Variants in RYR3 observed in about 807,000 individuals in gnomAD.
The protein encoded by RYR3 is ryanodine receptor 3, also known as brain ryanodine receptor-calcium release channel.
Under a neutral mutation model 584.3 loss-of-function variants are expected in RYR3, and 207 were observed. The ratio of observed to expected loss-of-function variants is 0.35; its 90% CI spans 0.32 to 0.40. RYR3 has a LOEUF of 0.40. Among genes scored for constraint, RYR3 ranks in the 10% least tolerant of loss-of-function variants. RYR3 has a pLI of 1.00. For missense variants in RYR3, 5,616 were observed against 6,089.2 expected (o/e 0.92, Z 2.59); for synonymous variants, 2,416 against 2,248.5 (o/e 1.07, Z -2.11).
rs1044129 is a variant in RYR3, at chr15:33,866,065, A to G, written c.*839A>G. 95,221 of 154,892 alleles carry G rather than the reference A, an allele frequency of 0.61. 31,527 individuals carry two copies. The highest frequency in any genetic ancestry group is 0.74 in the Non-Finnish European group (51,777 of 69,520). 9.6% of individuals were successfully genotyped at this position (154,892 alleles called of 1,614,324 possible). On this transcript the variant is annotated 3_prime_UTR_variant, in exon 104 of 104. Coordinates refer to ENST00000634891, the MANE Select transcript of RYR3 (RefSeq NM_001036.6). ...GTTTAGGTGAATCTCCTCAAATACA[A>G]TGAAGTGCCCACTGCAATAAAGTAA...
chr15:33,614,312 C>T (rs138181633), intron 19 of RYR3, among the ~76,000 whole-genome samples: 10 of 152,096 alleles, frequency 6.6e-5, no homozygotes, highest in South Asian at 4.1e-4. Flanking sequence ...ATGTACATAA[C>T]GGGTAACTTT....
intron 74 of RYR3, among the ~76,000 whole-genome samples, chr15:33,816,162 A>G (rs1596765917): frequency 6.6e-6 from 1 of 151,882 alleles, no homozygotes; most frequent in East Asian, 1.9e-4. Flanking sequence ...CCTCCTCACC[A>G]CTGTCCTCAC....
chr15:33,830,902 C>T, intron 85 of RYR3, 61 bp from the exon 86 acceptor site: 21 of 1,569,706 alleles, frequency 1.3e-5, no homozygotes, highest in Non-Finnish European at 1.6e-5. Context: ...TTCCCAAACA[C>T]CGAGTTTAGC....
rs1461182155 is a variant in RYR3 at position 33,390,352 on chromosome 15, A to G, written c.51+79256A>G. Reference sequence around the variant, plus strand: ...GTATACCTGGGGGTCTCTAAATTTCACCTGACCTATTGAACACTAATATTT... The same window carrying G: ...GTATACCTGGGGGTCTCTAAATTTCGCCTGACCTATTGAACACTAATATTT... On this transcript the variant is annotated intron_variant, in intron 1 of 103. Transcript: ENST00000634891. The surrounding 1 kb of genome is among the most constrained non-coding windows in gnomAD (Gnocchi z 4.2). Among the ~76,000 whole-genome samples the G allele has an allele frequency of 6.6e-6, 1 of 152,206 alleles. No individual in the cohort carries two copies. Among genetic ancestry groups the G allele is most frequent in the Non-Finnish European group, 1.5e-5 (1 of 68,052 alleles).
chr15:33,772,917 G>C (rs1291668481), intron 63 of RYR3, among the ~76,000 whole-genome samples: 1 of 152,152 alleles, frequency 6.6e-6, no homozygotes, highest in African/African-American at 2.4e-5. Context: ...TCCCGGCCTT[G>C]GTATGAGCTC....
chr15:33,706,991 G>A lies in RYR3; in HGVS notation c.6556G>A (p.Gly2186Ser), dbSNP rs754370784. The A allele has an allele frequency of 1.1e-5, 17 of 1,613,814 alleles. No homozygotes were observed. Among genetic ancestry groups the A allele is most frequent in the East Asian group, 2.2e-5 (1 of 44,866 alleles). ...MLLAKGYPDV[G>S]WNPIEGERYL... ...TCTGGCCAAAGGATACCCTGATGTC[G>A]GCTGGAACCCCATTGAAGGGGAACG... Residue 2186 changes from glycine to serine, a missense_variant, in exon 43 of 104, where the codon GGC becomes AGC. By Grantham distance (56) the Gly-to-Ser change is moderately conservative. Around this residue, in one of 9 missense-constraint regions of RYR3, gnomAD observed 1,280 missense variants for 1,426.2 expected, o/e 0.90. Transcript: ENST00000634891.
chr15:33,545,445 A>T (rs1359233140), intron 8 of RYR3, among the ~76,000 whole-genome samples: 1 of 152,126 alleles, frequency 6.6e-6, no homozygotes, highest in Non-Finnish European at 1.5e-5. Flanking sequence ...ATAAACATGA[A>T]GGTGACCTTT....
intron 38 of RYR3, among the ~76,000 whole-genome samples, chr15:33,677,681 C>T (rs528701256): frequency 6.6e-6 from 1 of 152,292 alleles, no homozygotes; most frequent in East Asian, 1.9e-4. Flanking sequence ...ATCTGTCTGG[C>T]TAGGGAAGCA....
At chr15:33,594,911 A>G (rs1460013824) in intron 16 of RYR3, among the ~76,000 whole-genome samples, 4 of 152,208 alleles carry the variant, frequency 2.6e-5, no homozygotes, top group Non-Finnish European at 5.9e-5. Flanking sequence ...GGAGTTTTCC[A>G]TAATTTTGGA....
intron 89 of RYR3, among the ~76,000 whole-genome samples, 160 bp downstream of exon 89, chr15:33,839,118 A>G (rs1194418952): frequency 6.6e-6 from 1 of 152,174 alleles, no homozygotes; most frequent in Non-Finnish European, 1.5e-5. Flanking sequence ...CACCTCTGAC[A>G]TGTCTGCAGA....
intron 69 of RYR3, chr15:33,802,171 C>T (rs1370719936): frequency 3.4e-5 from 24 of 701,832 alleles, no homozygotes; most frequent in Non-Finnish European, 6.1e-5. Context: ...TAAATAGCTG[C>T]TTGTATGTCA....
intron 1 of RYR3, among the ~76,000 whole-genome samples, chr15:33,344,626 T>C (rs969479575): frequency 1.1e-4 from 17 of 152,190 alleles, no homozygotes; most frequent in African/African-American, 3.6e-4. Flanking sequence ...ATCTCTCAAG[T>C]GTTTCCACTG....
intron 75 of RYR3, among the ~76,000 whole-genome samples, 186 bp from the exon 76 acceptor site, chr15:33,818,392 A>G (rs763765639): frequency 6.6e-6 from 1 of 152,180 alleles, no homozygotes; most frequent in African/African-American, 2.4e-5. Context: ...ATATATACAC[A>G]TGTATCTCAA....
intron 1 of RYR3, among the ~76,000 whole-genome samples, chr15:33,428,102 C>CT (rs1186468968): frequency 6.6e-6 from 1 of 152,132 alleles, no homozygotes; most frequent in East Asian, 1.9e-4. Context: ...AGGCTTGTGT[C>CT]TTTGTCTTTG....
intron 43 of RYR3, among the ~76,000 whole-genome samples, chr15:33,721,581 A>G (rs2067915597): frequency 6.6e-6 from 1 of 152,154 alleles, no homozygotes; most frequent in Non-Finnish European, 1.5e-5. Context: ...AGTACATAAC[A>G]TCAAAGTCTT....
At chr15:33,530,166 A>G (rs545706200) in intron 3 of RYR3, among the ~76,000 whole-genome samples, 6 of 152,326 alleles carry the variant, frequency 3.9e-5, no homozygotes, top group South Asian at 2.1e-4. Context: ...AAAAGACTGC[A>G]TGGCACAGAA....
intron 74 of RYR3, among the ~76,000 whole-genome samples, chr15:33,814,900 C>CCAA (rs1322022771): frequency 1.1e-5 from 1 of 91,816 alleles, no homozygotes; most frequent in Middle Eastern, 6.2e-3. Flanking sequence ...GACTCTGTCT[C>CCAA]AAAAAAAAAA....
chr15:33,669,315 T>C (rs1165166813), intron 36 of RYR3, 39 bp from the exon 37 acceptor site: 4 of 1,566,058 alleles, frequency 2.6e-6, no homozygotes, highest in Non-Finnish European at 3.5e-6. Flanking sequence ...TTGGCCAACA[T>C]TGAGAACCAA....
At chr15:33,678,206 T>C (rs958926828) in intron 38 of RYR3, among the ~76,000 whole-genome samples, 3 of 152,198 alleles carry the variant, frequency 2.0e-5, no homozygotes, top group Admixed American at 2.0e-4. Flanking sequence ...TTTGGCTCTG[T>C]GTCCCCACAC....
Sources: gnomAD v4.1 joint callset for allele counts (sites outside exome capture counted in the v4.1 genomes callset) on GRCh38, gnomAD v4.1.1 for gene constraint, gnomAD v4.1.1 regional missense constraint, Gnocchi (gnomAD v3.1) non-coding constraint, MANE v1.5 for transcripts, NCBI Gene and HGNC (gene_info 2026-07-23, HGNC 2026-07-21) for gene names.